XKR4: variants seen among roughly 807,000 people sequenced by gnomAD.
The protein encoded by XKR4 is XK-related protein 4.
XKR4 carries 12 observed loss-of-function variants against 53.9 expected under a neutral mutation model. The ratio of observed to expected loss-of-function variants is 0.22; its 90% CI spans 0.14 to 0.36. The LOEUF (loss-of-function observed/expected upper bound fraction) is 0.36, where lower values mean the gene tolerates loss of function less well. Ranked by LOEUF, XKR4 falls within the 10% of genes least tolerant of loss-of-function variation. XKR4 has a pLI of 1.00. For synonymous variants in XKR4, 354 were observed against 362.4 expected, an observed-to-expected ratio of 0.98 and a Z score of 0.26; for missense variants, 799 against 859.5, an observed-to-expected ratio of 0.93 and a Z score of 0.88.
chr8:55,403,850 A>G (rs191688374), intron 2 of XKR4, among the ~76,000 whole-genome samples: 8 of 152,308 alleles, frequency 5.3e-5, no homozygotes, highest in Admixed American at 2.0e-4. Flanking sequence ...TTTCTTCTCA[A>G]TAAAAAGCTT....
chr8:55,439,534 G>A (rs182184896), intron 2 of XKR4, among the ~76,000 whole-genome samples: 1 of 152,296 alleles, frequency 6.6e-6, no homozygotes, highest in East Asian at 1.9e-4. Flanking sequence ...ATCAGGTAGA[G>A]TAGGGACAAA....
chr8:55,210,911 A>C (rs1331050452), intron 1 of XKR4, among the ~76,000 whole-genome samples: 1 of 152,162 alleles, frequency 6.6e-6, no homozygotes, highest in Non-Finnish European at 1.5e-5. Context: ...TCTTAGCTTG[A>C]GTTACTCCAT....
intron 1 of XKR4, among the ~76,000 whole-genome samples, chr8:55,250,992 C>T (rs1818353733): frequency 6.6e-6 from 1 of 152,166 alleles, no homozygotes; most frequent in African/African-American, 2.4e-5. Flanking sequence ...ATAAAGCACA[C>T]TTTGAGAGTG....
chr8:55,276,420 G>A (rs1818765073), intron 1 of XKR4, among the ~76,000 whole-genome samples: 1 of 152,196 alleles, frequency 6.6e-6, no homozygotes, highest in Admixed American at 6.5e-5. Context: ...AGTAGTCGCT[G>A]TCAATACAAC....
intron 1 of XKR4, among the ~76,000 whole-genome samples, chr8:55,353,918 G>A (rs963318274): frequency 6.6e-6 from 1 of 152,184 alleles, no homozygotes; most frequent in Non-Finnish European, 1.5e-5. Flanking sequence ...AGCAGCCAAA[G>A]GTTCAAGGGA....
At chr8:55,383,196 G>C (rs1405385295) in intron 2 of XKR4, among the ~76,000 whole-genome samples, 1 of 152,222 alleles carries the variant, frequency 6.6e-6, no homozygotes, top group East Asian at 1.9e-4. Context: ...CTGGATGACA[G>C]AGGGAGACTC....
intron 1 of XKR4, among the ~76,000 whole-genome samples, chr8:55,315,802 C>T (rs1040523528): frequency 6.6e-6 from 1 of 152,194 alleles, no homozygotes; most frequent in African/African-American, 2.4e-5. Context: ...ATTCAAGAAA[C>T]ACTGGAGTTT....
intron 1 of XKR4, among the ~76,000 whole-genome samples, chr8:55,243,981 A>G (rs1818247711): frequency 2.0e-5 from 3 of 152,252 alleles, no homozygotes; most frequent in Admixed American, 2.0e-4. Flanking sequence ...TCATTTAGGA[A>G]AAAGTAGTCA....
intron 1 of XKR4, among the ~76,000 whole-genome samples, chr8:55,240,691 A>G (rs537366565): frequency 2.6e-5 from 4 of 152,212 alleles, no homozygotes; most frequent in Non-Finnish European, 5.9e-5. Context: ...ATAGCCTCAC[A>G]TCTCTGGAAG....
At chr8:55,438,048 A>C (rs1805203542) in intron 2 of XKR4, among the ~76,000 whole-genome samples, 1 of 152,188 alleles carries the variant, frequency 6.6e-6, no homozygotes, top group African/African-American at 2.4e-5. Context: ...TTCTGGAAGC[A>C]ATCATGAAGG....
At chr8:55,460,864 C>T (rs992665956) in intron 2 of XKR4, among the ~76,000 whole-genome samples, 9 of 152,232 alleles carry the variant, frequency 5.9e-5, no homozygotes, top group African/African-American at 2.2e-4. Flanking sequence ...TTCCTACGCC[C>T]ACAGAGCCTT....
chr8:55,446,048 A>G (rs990981310), intron 2 of XKR4, among the ~76,000 whole-genome samples: 3 of 152,178 alleles, frequency 2.0e-5, no homozygotes, highest in Non-Finnish European at 4.4e-5. Flanking sequence ...ATGAGAGATT[A>G]CTGTTCCCAA....
At chr8:55,163,070 C>T (rs140074900) in intron 1 of XKR4, among the ~76,000 whole-genome samples, 5 of 152,240 alleles carry the variant, frequency 3.3e-5, no homozygotes, top group South Asian at 2.1e-4. Flanking sequence ...TTGCCTGTCA[C>T]GAGGCAAAAT....
intron 1 of XKR4, among the ~76,000 whole-genome samples, chr8:55,122,205 TTTC>T (rs1415594498): frequency 6.6e-6 from 1 of 152,216 alleles, no homozygotes; most frequent in Non-Finnish European, 1.5e-5. Context: ...GTCAGATAAT[TTTC>T]TTGTTTACTT....
rs79860409 is a variant in XKR4, at chr8:55,297,150, C to T, written c.807-60528C>T. The stretch of plus-strand genomic sequence containing the variant: ...TCTTGGGCTGGAGGATTGGTGTCTA[C>T]TCATAAACAGACAATTCCAACATGC... On this transcript the variant is annotated intron_variant, in intron 1 of 2. Coordinates refer to ENST00000327381, the MANE Select transcript of XKR4 (RefSeq NM_052898.2). Among the ~76,000 whole-genome samples the T allele has an allele frequency of 7.0e-3, 1,073 of 152,220 alleles. 11 individuals carry two copies. Among genetic ancestry groups the T allele is most frequent in the Non-Finnish European group, 0.011 (781 of 68,016 alleles).
At chr8:55,484,089 C>T (rs185215830) in intron 2 of XKR4, among the ~76,000 whole-genome samples, 11 of 152,136 alleles carry the variant, frequency 7.2e-5, no homozygotes, top group African/African-American at 1.9e-4. Context: ...TTAGGTGAAA[C>T]GAACCAATTC....
At chr8:55,441,892 T>C (rs926130025) in intron 2 of XKR4, among the ~76,000 whole-genome samples, 1 of 151,990 alleles carries the variant, frequency 6.6e-6, no homozygotes, top group African/African-American at 2.4e-5. Flanking sequence ...AAAAATAATA[T>C]ATTGGAAAAA....
chr8:55,247,419 A>C (rs1050351776), intron 1 of XKR4, among the ~76,000 whole-genome samples: 1 of 152,234 alleles, frequency 6.6e-6, no homozygotes, highest in Non-Finnish European at 1.5e-5. Flanking sequence ...TTGTATAAAC[A>C]TTAGCTCTTT....
intron 2 of XKR4, among the ~76,000 whole-genome samples, chr8:55,514,456 C>T (rs2129404978): frequency 6.6e-6 from 1 of 152,110 alleles, no homozygotes; most frequent in African/African-American, 2.4e-5. Context: ...GGGGTTTCAC[C>T]ACGTTGGCCA....
Sources: allele counts gnomAD v4.1 joint callset (sites outside exome capture counted in the v4.1 genomes callset), GRCh38; gene constraint gnomAD v4.1.1; transcripts MANE v1.5; gene names NCBI Gene and HGNC (gene_info 2026-07-23, HGNC 2026-07-21).